The following SIPA1L1 variants were observed in gnomAD, a reference collection of about 807,000 sequenced individuals.
The protein encoded by SIPA1L1 is signal induced proliferation associated 1 like 1, also known as signal-induced proliferation-associated 1-like protein 1.
SIPA1L1 carries 26 observed loss-of-function variants against 162.7 expected under a neutral mutation model. The observed-to-expected ratio is 0.16, with a 90% CI of 0.12 to 0.22. The LOEUF (loss-of-function observed/expected upper bound fraction) is 0.22. SIPA1L1 is among the 10% of genes least tolerant of loss of function. SIPA1L1 has a pLI of 1.00. For synonymous variants in SIPA1L1, 829 were observed against 837.4 expected (o/e 0.99, Z 0.17); for missense variants, 1,874 against 2,241.0 (o/e 0.84, Z 3.31).
intron 7 of SIPA1L1, among the ~76,000 whole-genome samples, chr14:71,625,822 A>G (rs913179111): frequency 2.6e-5 from 4 of 152,210 alleles, no homozygotes; most frequent in East Asian, 1.9e-4. Flanking sequence ...CTATTAAAAC[A>G]GATTATTTTA....
rs2082359905 is a variant in SIPA1L1 at position 71,705,328 on chromosome 14, C to G, written c.3753C>G (p.Asn1251Lys). 6.2e-7 allele frequency: 1 copy of G among 1,611,102 alleles called. No individual in the cohort carries two copies. Among genetic ancestry groups the G allele is most frequent in the Non-Finnish European group, 8.5e-7 (1 of 1,177,366 alleles). Residue 1251 changes from asparagine to lysine, a missense_variant, in exon 16 of 24, where the codon AAC (asparagine) becomes AAG (lysine). Physicochemically the swap from Asn to Lys is moderately conservative, Grantham distance 94. Coordinates refer to ENST00000381232, the MANE Select transcript of SIPA1L1 (RefSeq NM_001386936.1). Reference protein sequence around the residue: ...RQDPVVHLSPNKQGHSDSHYS... With the variant: ...RQDPVVHLSPKKQGHSDSHYS... ...ATCCAGTGGTTCATTTGTCTCCAAA[C>G]AAACAAGGGCATGTAAGTTAACTGT...
chr14:71,486,499 C>T (rs1015933027), intron 2 of SIPA1L1, among the ~76,000 whole-genome samples: 1 of 152,364 alleles, frequency 6.6e-6, no homozygotes, highest in Non-Finnish European at 1.5e-5. Flanking sequence ...CTGCTATCTT[C>T]AAGGGAGGCT....
chr14:71,679,022 A>T (rs528471435), intron 12 of SIPA1L1, among the ~76,000 whole-genome samples: 1 of 152,162 alleles, frequency 6.6e-6, no homozygotes, highest in African/African-American at 2.4e-5. Context: ...TCAGGATATT[A>T]TCCTGGAGAA....
chr14:71,549,435 C>A (rs1254226934), intron 4 of SIPA1L1, among the ~76,000 whole-genome samples: 2 of 152,056 alleles, frequency 1.3e-5, no homozygotes, highest in Non-Finnish European at 2.9e-5. Context: ...GTTCCAAGTC[C>A]CAGGATCTCT....
chr14:71,421,837 A>G (rs1165678129), intron 2 of SIPA1L1, among the ~76,000 whole-genome samples: 1 of 152,162 alleles, frequency 6.6e-6, no homozygotes, highest in Non-Finnish European at 1.5e-5. Context: ...AGCCTGCCTG[A>G]TGGTTCCTTG....
At chr14:71,678,536 G>A (rs1473367357) in intron 12 of SIPA1L1, among the ~76,000 whole-genome samples, 18 of 152,050 alleles carry the variant, frequency 1.2e-4, no homozygotes, top group Admixed American at 4.6e-4. Flanking sequence ...TGCTGGATTC[G>A]GTTTGCCAGT....
At chr14:71,614,090 C>T (rs2038541126) in intron 5 of SIPA1L1, among the ~76,000 whole-genome samples, 1 of 152,088 alleles carries the variant, frequency 6.6e-6, no homozygotes, top group Non-Finnish European at 1.5e-5. Context: ...GTCCCAGCTA[C>T]TCAGGAGGCT....
chr14:71,676,384 C>T (rs537234263), intron 12 of SIPA1L1, among the ~76,000 whole-genome samples: 48 of 151,624 alleles, frequency 3.2e-4, no homozygotes, highest in African/African-American at 1.1e-3. Flanking sequence ...GAATCGTTTC[C>T]AAACTACAAT....
At chr14:71,532,393 G>A (rs2053530426) in intron 4 of SIPA1L1, among the ~76,000 whole-genome samples, 1 of 152,102 alleles carries the variant, frequency 6.6e-6, no homozygotes, top group African/African-American at 2.4e-5. Context: ...TATATTAATG[G>A]CATACAAAAG....
chr14:71,637,241 A>G (rs2041250858), intron 7 of SIPA1L1, among the ~76,000 whole-genome samples: 1 of 152,044 alleles, frequency 6.6e-6, no homozygotes, highest in African/African-American at 2.4e-5. Context: ...TCTTGTCAAC[A>G]CGGTAGTCCC....
At chr14:71,527,627 A>T (rs951061203) in intron 3 of SIPA1L1, among the ~76,000 whole-genome samples, 14 of 150,944 alleles carry the variant, frequency 9.3e-5, no homozygotes, top group South Asian at 2.1e-4. Flanking sequence ...ATGCTTAAAA[A>T]TTTTTTTTTT....
At chr14:71,528,167 G>T (rs1487891181) in intron 3 of SIPA1L1, among the ~76,000 whole-genome samples, 1 of 152,126 alleles carries the variant, frequency 6.6e-6, no homozygotes, top group Non-Finnish European at 1.5e-5. Context: ...ATTTTACTAA[G>T]TAAGATGATG....
chr14:71,646,321 T>C (rs554393343), intron 7 of SIPA1L1, among the ~76,000 whole-genome samples: 167 of 151,912 alleles, frequency 1.1e-3, no homozygotes, highest in Non-Finnish European at 1.9e-3. Context: ...GGACTACAGG[T>C]GCCCGCCACC....
In SIPA1L1 at chr14:71,733,709, G is replaced by C; in HGVS notation, c.4905G>C (p.Glu1635Asp). Residue 1635 changes from glutamate (E) to aspartate (D), a missense_variant, in exon 21 of 24, where the codon GAG becomes GAC. By Grantham distance (45) the Glu-to-Asp change is conservative (BLOSUM62 2). Coordinates refer to ENST00000381232, the MANE Select transcript of SIPA1L1 (RefSeq NM_001386936.1). The stretch of plus-strand genomic sequence containing the variant: ...ACAGCTCCCTCACTGACATCCAGGA[G>C]ACCCGCAGGCAGCCTATGCCCGACC... ...ASDSSLTDIQ[E>D]TRRQPMPDPG... 1 of 1,614,032 alleles carries C rather than the reference G, an allele frequency of 6.2e-7. No individual in the cohort carries two copies. The highest frequency in any genetic ancestry group is 8.5e-7 in the Non-Finnish European group (1 of 1,180,032).
intron 7 of SIPA1L1, among the ~76,000 whole-genome samples, chr14:71,649,315 C>A (rs2042432280): frequency 6.6e-6 from 1 of 151,826 alleles, no homozygotes; most frequent in South Asian, 2.1e-4. Context: ...CCTCAACCTC[C>A]CGAGTAGCTG....
chr14:71,470,140 G>A (rs2047336388), intron 2 of SIPA1L1, among the ~76,000 whole-genome samples: 1 of 152,194 alleles, frequency 6.6e-6, no homozygotes, highest in Non-Finnish European at 1.5e-5. Context: ...CACACCAAGT[G>A]GGGAGCTTTT....
intron 4 of SIPA1L1, among the ~76,000 whole-genome samples, chr14:71,579,973 G>A (rs927696003): frequency 2.6e-5 from 4 of 152,102 alleles, no homozygotes; most frequent in Non-Finnish European, 5.9e-5. Flanking sequence ...TAGAGATGGC[G>A]CCCTGTGTCA....
In SIPA1L1 at chr14:71,739,070, A is replaced by G; in HGVS notation, c.5261A>G (p.Asp1754Gly). The change falls in exon 24 of 24, where the codon GAC becomes GGC. Residue 1754 changes from aspartate to glycine, a missense_variant. By Grantham distance (94) the Asp-to-Gly change is moderately conservative. Around this residue, in one of 5 missense-constraint regions of SIPA1L1, gnomAD observed 936 missense variants for 1,051.9 expected, o/e 0.89. Coordinates refer to ENST00000381232, the MANE Select transcript of SIPA1L1 (RefSeq NM_001386936.1). ...GCGGAGGTGCAGCACCTGCGAGAGG[A>G]CAACCTGAGGCTACAGGAGGAGTCC... is the stretch of plus-strand genomic sequence containing the variant. Reference protein sequence around the residue: ...LQAEVQHLREDNLRLQEESQN... With the variant: ...LQAEVQHLREGNLRLQEESQN... 6.2e-7 allele frequency: 1 copy of G among 1,614,154 alleles called. No homozygotes were observed. The highest frequency in any genetic ancestry group is 1.1e-5 in the South Asian group (1 of 91,086).
chr14:71,429,073 C>G (rs1428303704), intron 2 of SIPA1L1, among the ~76,000 whole-genome samples: 1 of 152,148 alleles, frequency 6.6e-6, no homozygotes, highest in African/African-American at 2.4e-5. Flanking sequence ...CATCCCAGAA[C>G]CTGCTCCTCA....
Sources: allele counts gnomAD v4.1 joint callset (sites outside exome capture counted in the v4.1 genomes callset), GRCh38; gene constraint gnomAD v4.1.1; regional missense constraint gnomAD v4.1.1; transcripts MANE v1.5; gene names NCBI Gene and HGNC (gene_info 2026-07-23, HGNC 2026-07-21).